Variants in HECTD4 observed in about 807,000 individuals in gnomAD.
HECTD4 encodes HECT domain E3 ubiquitin protein ligase 4, also known as probable E3 ubiquitin-protein ligase HECTD4.
HECTD4 carries 114 observed loss-of-function variants against 471.5 expected under a neutral mutation model. The observed-to-expected ratio is 0.24, with a 90% CI of 0.21 to 0.28. The LOEUF is 0.28. Among genes scored for constraint, HECTD4 ranks in the 10% least tolerant of loss-of-function variants. The probability of loss-of-function intolerance (pLI) is 1.00; values close to 1 mark genes in which losing one functional copy is unlikely to be tolerated. For synonymous variants in HECTD4, 2,012 were observed against 2,256.0 expected (o/e 0.89, Z 3.07); for missense variants, 3,866 against 5,651.5 (o/e 0.68, Z 10.13).
intron 44 of HECTD4, among the ~76,000 whole-genome samples, chr12:112,220,810 AAG>A (rs928785706): frequency 1.3e-5 from 2 of 151,508 alleles, no homozygotes; most frequent in African/African-American, 2.4e-5. Context: ...ATAAATAAAC[AAG>A]AGATAAGAAG....
chr12:112,239,555 A>T lies in HECTD4; in HGVS notation c.5106-319T>A, dbSNP rs1016196804. Among the ~76,000 whole-genome samples the T allele has an allele frequency of 2.1e-4, 32 of 152,228 alleles. No individual in the cohort carries two copies. The highest frequency in any genetic ancestry group is 7.5e-4 in the African/African-American group (31 of 41,470). On this transcript the variant is annotated intron_variant, in intron 33 of 75. Transcript: ENST00000682272. The surrounding 1 kb of genome is among the most constrained non-coding windows in gnomAD (Gnocchi z 4.9). ...GCTTGACATCTTCAAATTAGTAACT[A>T]AGTGACCCAAGAGAGGAAATAAATG...
rs987408261 is a variant in HECTD4 at position 112,381,403 on chromosome 12, A to C, written c.177+549T>G. Among the ~76,000 whole-genome samples the C allele has an allele frequency of 6.6e-6, 1 of 152,142 alleles. No individual in the cohort carries two copies. Among genetic ancestry groups the C allele is most frequent in the African/African-American group, 2.4e-5 (1 of 41,440 alleles). On this transcript the variant is annotated intron_variant, in intron 1 of 75. Transcript: ENST00000682272. The surrounding 1 kb of genome is among the most constrained non-coding windows in gnomAD (Gnocchi z 4.1). Reference sequence around the variant, plus strand: ...CAAAGGCCCCGTGTCAATCCATCCGAGACACAACACAGAGAAGTTGCTGGA... The same window carrying C: ...CAAAGGCCCCGTGTCAATCCATCCGCGACACAACACAGAGAAGTTGCTGGA...
chr12:112,292,421 C>T (rs767989656), intron 7 of HECTD4, among the ~76,000 whole-genome samples: 29 of 152,180 alleles, frequency 1.9e-4, no homozygotes, highest in Non-Finnish European at 4.0e-4. Flanking sequence ...TTTACTTCAT[C>T]TTCCTTTATA....
At chr12:112,286,634 G>C (rs1378165898) in intron 7 of HECTD4, among the ~76,000 whole-genome samples, 1 of 152,156 alleles carries the variant, frequency 6.6e-6, no homozygotes, top group Non-Finnish European at 1.5e-5. Context: ...GAAGGCTGCA[G>C]TGAACCATGA....
At chr12:112,266,860 T>C in intron 14 of HECTD4, 52 bp downstream of exon 14, 1 of 896,450 alleles carries the variant, frequency 1.1e-6, no homozygotes, top group South Asian at 1.5e-5. Context: ...GTTGTTTCCT[T>C]GGGGACAAAA....
At position 112,239,696 on chromosome 12, in the gene HECTD4, A is replaced by G. The variant is rs1330771386; in HGVS notation, c.5105+185T>C. Among the ~76,000 whole-genome samples the G allele has an allele frequency of 2.0e-5, 3 of 152,220 alleles. No individual in the cohort carries two copies. Among genetic ancestry groups the G allele is most frequent in the Non-Finnish European group, 2.9e-5 (2 of 68,030 alleles). On this transcript the variant is annotated intron_variant, in intron 33 of 75. Coordinates refer to ENST00000682272, the MANE Select transcript of HECTD4 (RefSeq NM_001388303.1). This position sits in a 1 kb window ranked among gnomAD's most constrained non-coding sequence, Gnocchi z 4.9. Reference sequence around the variant, plus strand: ...ATAACCCTAATGGCTGCATTTAGTCATGTTGGAACTCAATAATAAGAAATT... The same window carrying G: ...ATAACCCTAATGGCTGCATTTAGTCGTGTTGGAACTCAATAATAAGAAATT...
chr12:112,288,207 A>G (rs2034798713), intron 7 of HECTD4, among the ~76,000 whole-genome samples: 1 of 151,656 alleles, frequency 6.6e-6, no homozygotes, highest in Non-Finnish European at 1.5e-5. Flanking sequence ...ATGCACCTGT[A>G]ATTCCAGTTA....
chr12:112,183,023 A>G, intron 62 of HECTD4, 36 bp downstream of exon 62: 1 of 1,515,540 alleles, frequency 6.6e-7, no homozygotes, highest in Non-Finnish European at 9.1e-7. Flanking sequence ...TTGCTCCACA[A>G]AAAGTCTACA....
Position 112,223,809 on chromosome 12 carries a change from G to A in HECTD4, c.6970+2834C>T, listed in dbSNP as rs556765994. ...GGTACTGTCTTCTTTAGATAGAGAC[G>A]CTATAAAATTTGGCTATCAGTGAGT... On this transcript the variant is annotated intron_variant, in intron 44 of 75. Coordinates refer to ENST00000682272, the MANE Select transcript of HECTD4 (RefSeq NM_001388303.1). 4.6e-5 allele frequency among the ~76,000 whole-genome samples: 7 copies of A among 152,222 alleles called. No homozygotes were observed. The East Asian group carries it at 1.2e-3, about 25-fold the overall frequency.
chr12:112,167,396 A>G lies in HECTD4; in HGVS notation c.12455T>C (p.Val4152Ala). 2 of 1,613,838 alleles carry G rather than the reference A, an allele frequency of 1.2e-6. No individual in the cohort carries two copies. Among genetic ancestry groups the G allele is most frequent in the Non-Finnish European group, 8.5e-7 (1 of 1,179,866 alleles). ...DLLPSFWKTL[V>A]GEPLDPEQDL... ...TTGCTCAGGGTCCAAGGGCTCGCCCACCAGCGTCTTCCAGAAGGAGGGCAG... is the reference window on the plus strand; with the variant it reads ...TTGCTCAGGGTCCAAGGGCTCGCCCGCCAGCGTCTTCCAGAAGGAGGGCAG... Residue 4152 changes from valine (V) to alanine (A), a missense_variant, in exon 72 of 76, where the codon GTG becomes GCG. Transcript: ENST00000682272.
At chr12:112,278,288 A>G (rs2135633687) in intron 9 of HECTD4, among the ~76,000 whole-genome samples, 1 of 152,286 alleles carries the variant, frequency 6.6e-6, no homozygotes, top group East Asian at 1.9e-4. Context: ...AACTCTGTGA[A>G]CATATTAAAA....
At chr12:112,240,261 A>G (rs1212416462) in intron 32 of HECTD4, among the ~76,000 whole-genome samples, 1 of 152,198 alleles carries the variant, frequency 6.6e-6, no homozygotes, top group African/African-American at 2.4e-5. Flanking sequence ...ATCCTGGGTT[A>G]GGGAAATTAA....
chr12:112,251,543 T>G (rs1032019168), intron 23 of HECTD4, among the ~76,000 whole-genome samples: 1 of 152,198 alleles, frequency 6.6e-6, no homozygotes, highest in Admixed American at 6.5e-5. Flanking sequence ...TCAAGAAATA[T>G]TTACTGGGTG....
At chr12:112,187,089 C>G (rs2031896064) in intron 60 of HECTD4, among the ~76,000 whole-genome samples, 1 of 152,096 alleles carries the variant, frequency 6.6e-6, no homozygotes. Flanking sequence ...AAGCAATTCT[C>G]CTGCCTCAGC....
chr12:112,343,946 A>T (rs1229774152), intron 1 of HECTD4, among the ~76,000 whole-genome samples: 1 of 152,228 alleles, frequency 6.6e-6, no homozygotes, highest in Non-Finnish European at 1.5e-5. Context: ...AACAACATTG[A>T]TGTTTTTAAA....
chr12:112,353,586 T>C (rs1332641254), intron 1 of HECTD4, among the ~76,000 whole-genome samples: 1 of 152,012 alleles, frequency 6.6e-6, no homozygotes, highest in East Asian at 1.9e-4. Flanking sequence ...ATCCCAGACT[T>C]TGGGAGAACA....
chr12:112,306,415 T>C (rs1457838163), intron 6 of HECTD4, among the ~76,000 whole-genome samples, 181 bp from the exon 7 acceptor site: 1 of 152,200 alleles, frequency 6.6e-6, no homozygotes, highest in Non-Finnish European at 1.5e-5. Context: ...AATATAAAAG[T>C]TCATACAATG....
Position 112,239,826 on chromosome 12 carries a change from A to C in HECTD4, c.5105+55T>G, listed in dbSNP as rs2033595657. On this transcript the variant is annotated intron_variant, in intron 33 of 75. Transcript: ENST00000682272. This position sits in a 1 kb window ranked among gnomAD's most constrained non-coding sequence, Gnocchi z 4.9. ...TTTAAAATTAAAAATACTTTCACTT[A>C]ATCGACTATACTGCAGGGTAACTTA... is the stretch of plus-strand genomic sequence containing the variant. 1 of 1,452,400 alleles carries C rather than the reference A, an allele frequency of 6.9e-7. No individual in the cohort carries two copies. Among genetic ancestry groups the C allele is most frequent in the African/African-American group, 1.4e-5 (1 of 70,958 alleles). The allele number at this position is 1,452,400 out of a possible 1,614,324, so 90.0% of individuals were successfully genotyped here. A position where few individuals can be genotyped will look rare whatever the true frequency, so the allele number is the denominator to read the frequency against.
At chr12:112,278,580 A>G (rs79515365) in intron 9 of HECTD4, among the ~76,000 whole-genome samples, 2,286 of 152,314 alleles carry the variant, frequency 0.015, 68 homozygotes, top group African/African-American at 0.052. Context: ...GGTGTTTTAC[A>G]TATGTATTTT....
Sources: allele counts gnomAD v4.1 joint callset (sites outside exome capture counted in the v4.1 genomes callset), GRCh38; gene constraint gnomAD v4.1.1; non-coding constraint Gnocchi (gnomAD v3.1); transcripts MANE v1.5; gene names NCBI Gene and HGNC (gene_info 2026-07-23, HGNC 2026-07-21).